Variants in WDR27 observed in about 807,000 individuals in gnomAD.
WDR27 encodes WD repeat domain 27.
A neutral mutation model predicts 114.4 loss-of-function variants in WDR27; 100 were observed. The ratio of observed to expected loss-of-function variants is 0.87; its 90% confidence interval spans 0.74 to 1.03. The LOEUF is 1.03. WDR27 is among the 50% of genes least tolerant of loss of function. WDR27 has a pLI of 0.00. For missense variants in WDR27, 1,129 were observed against 1,092.9 expected (o/e 1.03, Z -0.47); for synonymous variants, 449 against 423.1 (o/e 1.06, Z -0.75).
chr6:169,644,673 T>C lies in WDR27; in HGVS notation c.1658-887A>G, dbSNP rs867568135. On this transcript the variant is annotated intron_variant, in intron 16 of 25. Transcript: ENST00000448612. Reference sequence around the variant, plus strand: ...ACACTGTGGAAAAGCCTAGTTCATATGAGTCACACTGTAGAAAATCCTAGT... The same window carrying C: ...ACACTGTGGAAAAGCCTAGTTCATACGAGTCACACTGTAGAAAATCCTAGT... 6.7e-4 allele frequency among the ~76,000 whole-genome samples: 98 copies of C among 145,552 alleles called. 1 individual carries two copies. Among genetic ancestry groups the C allele is most frequent in the South Asian group, 1.8e-3 (8 of 4,508 alleles).
intron 23 of WDR27, among the ~76,000 whole-genome samples, chr6:169,585,396 T>A (rs1442217580): frequency 6.6e-6 from 1 of 152,192 alleles, no homozygotes; most frequent in Non-Finnish European, 1.5e-5. Context: ...TCCCAATGAT[T>A]CTGTCAATGA....
chr6:169,689,840 G>A (rs1783997070), intron 1 of WDR27, among the ~76,000 whole-genome samples: 1 of 152,262 alleles, frequency 6.6e-6, no homozygotes, highest in African/African-American at 2.4e-5. Context: ...CATGCACGCT[G>A]TAGGTATTCA....
intron 2 of WDR27, 82 bp downstream of exon 2, chr6:169,688,735 T>C (rs1585176391): frequency 2.9e-6 from 3 of 1,033,386 alleles, no homozygotes; most frequent in South Asian, 3.1e-5. Flanking sequence ...CCACAGAGGG[T>C]AATGCTGTCC....
Position 169,689,000 on chromosome 6 carries a change from T to C in WDR27, c.6A>G (p.Glu2=). The C allele has an allele frequency of 6.2e-7, 1 of 1,610,552 alleles. No homozygotes were observed. The highest frequency in any genetic ancestry group is 8.5e-7 in the Non-Finnish European group (1 of 1,178,494). The stretch of plus-strand genomic sequence containing the variant: ...TACTTGAGAAAATGTCTTGGGGATT[T>C]TCCATCTTCAATCTGAAAACAAAAA... The part of the protein sequence containing the change: M[E]NPQDIFSSNG... Residue 2 remains glutamate, a synonymous_variant, in exon 2 of 26, where the codon GAA becomes GAG. Transcript: ENST00000448612.
chr6:169,514,040 CT>C (rs752800405), intron 25 of WDR27, among the ~76,000 whole-genome samples: 1 of 152,200 alleles, frequency 6.6e-6, no homozygotes, highest in East Asian at 1.9e-4. Flanking sequence ...ACATTGATTG[CT>C]GACTGATTCC....
chr6:169,534,942 C>A (rs866111355), intron 25 of WDR27, among the ~76,000 whole-genome samples: 30 of 149,612 alleles, frequency 2.0e-4, no homozygotes, highest in Non-Finnish European at 1.3e-4. Flanking sequence ...CTATTAAATT[C>A]TTCTGTGAAT....
chr6:169,481,840 G>C (rs57974421), intron 25 of WDR27, among the ~76,000 whole-genome samples: 1 of 152,044 alleles, frequency 6.6e-6, no homozygotes, highest in South Asian at 2.1e-4. Context: ...CCCACCAGAA[G>C]GAAGAAACTC....
chr6:169,618,100 G>A (rs1812288188), intron 21 of WDR27, among the ~76,000 whole-genome samples: 3 of 152,142 alleles, frequency 2.0e-5, no homozygotes, highest in African/African-American at 7.2e-5. Context: ...TGTGGGTAGG[G>A]TTTTCTCTGC....
intron 14 of WDR27, 53 bp downstream of exon 14, chr6:169,651,877 T>G: frequency 6.6e-7 from 1 of 1,520,982 alleles, no homozygotes. Context: ...GTTAAAATCC[T>G]GCATCTGTGA....
intron 16 of WDR27, among the ~76,000 whole-genome samples, chr6:169,644,427 AGTCACACTGTAGAAAAGCCTAGTTCACAG>A (rs1819985418): frequency 6.6e-6 from 1 of 150,694 alleles, no homozygotes; most frequent in Non-Finnish European, 1.5e-5. Flanking sequence ...AGTTCACAGG[AGTCACACTGTAGAAAAGCCTAGTTCACAG>A]GAGTCACACT....
At chr6:169,579,561 T>G (rs1307139979) in intron 24 of WDR27, among the ~76,000 whole-genome samples, 1 of 152,122 alleles carries the variant, frequency 6.6e-6, no homozygotes, top group Non-Finnish European at 1.5e-5. Flanking sequence ...CTGGTTGCCC[T>G]CATTACTCAT....
At chr6:169,471,312 C>A (rs1786358158) in intron 25 of WDR27, among the ~76,000 whole-genome samples, 1 of 152,096 alleles carries the variant, frequency 6.6e-6, no homozygotes, top group African/African-American at 2.4e-5. Flanking sequence ...AGCCAATCAT[C>A]ATCTCCCACA....
intron 21 of WDR27, among the ~76,000 whole-genome samples, chr6:169,620,276 C>A (rs910634291): frequency 6.6e-6 from 1 of 152,184 alleles, no homozygotes; most frequent in Non-Finnish European, 1.5e-5. Flanking sequence ...GGAACTGCCT[C>A]AGGCAAAACC....
intron 25 of WDR27, among the ~76,000 whole-genome samples, chr6:169,510,983 TC>T (rs765590051): frequency 4.6e-5 from 7 of 152,164 alleles, no homozygotes; most frequent in Non-Finnish European, 8.8e-5. Context: ...AACGTTTGAA[TC>T]ACAAGCAACA....
intron 25 of WDR27, among the ~76,000 whole-genome samples, chr6:169,481,825 A>C (rs1788178058): frequency 6.6e-6 from 1 of 152,234 alleles, no homozygotes; most frequent in Admixed American, 6.5e-5. Flanking sequence ...CAGTGAGACC[A>C]CGAACCCACC....
chr6:169,599,905 A>G (rs9478072), intron 23 of WDR27, among the ~76,000 whole-genome samples: 44,132 of 151,692 alleles, frequency 0.29, 7,078 homozygotes, highest in African/African-American at 0.41. Flanking sequence ...ATTTAGTGCT[A>G]TAAATTTCCC....
At chr6:169,529,667 A>G (rs1284648074) in intron 25 of WDR27, among the ~76,000 whole-genome samples, 1 of 152,202 alleles carries the variant, frequency 6.6e-6, no homozygotes, top group Non-Finnish European at 1.5e-5. Flanking sequence ...CATATTTTGG[A>G]CAGGCTCATT....
chr6:169,563,373 G>T (rs2128117632), intron 25 of WDR27, among the ~76,000 whole-genome samples: 1 of 152,130 alleles, frequency 6.6e-6, no homozygotes, highest in Non-Finnish European at 1.5e-5. Context: ...ACCCCAACAG[G>T]GTCTCTACCA....
chr6:169,556,689 G>C (rs1177046467), intron 25 of WDR27, among the ~76,000 whole-genome samples: 1 of 152,142 alleles, frequency 6.6e-6, no homozygotes, highest in Non-Finnish European at 1.5e-5. Flanking sequence ...GCAACCCATA[G>C]ATTAGGGGAA....
Sources: gnomAD v4.1 joint callset for allele counts (sites outside exome capture counted in the v4.1 genomes callset) on GRCh38, gnomAD v4.1.1 for gene constraint, MANE v1.5 for transcripts, NCBI Gene and HGNC (gene_info 2026-07-23, HGNC 2026-07-21) for gene names.